TEKT1: variants seen among roughly 807,000 people sequenced by gnomAD.
TEKT1 encodes tektin 1.
Under a neutral mutation model 34.8 loss-of-function variants are expected in TEKT1, and 32 were observed. The observed-to-expected ratio is 0.92, with a 90% CI of 0.69 to 1.23. TEKT1 has a LOEUF of 1.23. Among genes scored for constraint, TEKT1 ranks in the 50% most tolerant of loss-of-function variants. TEKT1 has a pLI of 0.00. For synonymous variants in TEKT1, 207 were observed against 199.8 expected (o/e 1.04, Z -0.30); for missense variants, 492 against 518.5 (o/e 0.95, Z 0.50).
intron 6 of TEKT1, among the ~76,000 whole-genome samples, chr17:6,801,927 T>C (rs559420773): frequency 1.3e-5 from 2 of 152,324 alleles, no homozygotes; most frequent in South Asian, 4.1e-4. Context: ...TTGCTTCATC[T>C]ATACTCCTGT....
At chr17:6,815,383 A>G in intron 4 of TEKT1, 77 bp from the exon 5 acceptor site, 1 of 1,574,802 alleles carries the variant, frequency 6.3e-7, no homozygotes, top group Non-Finnish European at 8.7e-7. Context: ...AGGTCCTGGA[A>G]AGTGAAGCTG....
At chr17:6,828,526 A>T (rs1313629690) in intron 2 of TEKT1, among the ~76,000 whole-genome samples, 2 of 152,192 alleles carry the variant, frequency 1.3e-5, no homozygotes, top group Non-Finnish European at 2.9e-5. Context: ...TTCTTGAAAA[A>T]ATCGGACAAT....
intron 2 of TEKT1, among the ~76,000 whole-genome samples, chr17:6,829,407 T>G (rs1478122776): frequency 6.6e-6 from 1 of 152,202 alleles, no homozygotes. Context: ...AATGGTGTAG[T>G]GTTTTCATAT....
At position 6,815,270 on chromosome 17, in the gene TEKT1, A is replaced by T; in HGVS notation, c.522T>A (p.Asp174Glu). The part of the protein sequence containing the change: ...NRSAKYNLEK[D>E]LKDKFVALTI... ...TCAGGGCCACAAACTTGTCCTTCAAATCCTTCTCAAGATTGTACTTGGCAG... is the reference window on the plus strand; with the variant it reads ...TCAGGGCCACAAACTTGTCCTTCAATTCCTTCTCAAGATTGTACTTGGCAG... Residue 174 changes from aspartate (D) to glutamate (E), a missense_variant, in exon 5 of 8, where the codon GAT becomes GAA. Transcript: ENST00000338694. 6.2e-7 allele frequency: 1 copy of T among 1,614,218 alleles called. No individual in the cohort carries two copies. Among genetic ancestry groups the T allele is most frequent in the South Asian group, 1.1e-5 (1 of 91,088 alleles).
intron 6 of TEKT1, among the ~76,000 whole-genome samples, chr17:6,810,939 C>G (rs1239147593): frequency 6.6e-6 from 1 of 152,164 alleles, no homozygotes; most frequent in Non-Finnish European, 1.5e-5. Flanking sequence ...AGGGTTTCAC[C>G]CTGTTGCCCA....
chr17:6,820,157 T>C (rs1977066266), intron 2 of TEKT1, among the ~76,000 whole-genome samples: 1 of 152,300 alleles, frequency 6.6e-6, no homozygotes, highest in South Asian at 2.1e-4. Flanking sequence ...AATAAATAAG[T>C]AAACTTACTA....
At chr17:6,802,903 G>A (rs1284668932) in intron 6 of TEKT1, among the ~76,000 whole-genome samples, 1 of 152,100 alleles carries the variant, frequency 6.6e-6, no homozygotes, top group Admixed American at 6.6e-5. Flanking sequence ...ATTGTGAATA[G>A]TGCCACAATA....
At chr17:6,826,071 C>T (rs904384913) in intron 2 of TEKT1, among the ~76,000 whole-genome samples, 3 of 152,196 alleles carry the variant, frequency 2.0e-5, no homozygotes, top group African/African-American at 7.2e-5. Context: ...CAGAATATGA[C>T]AGTAACAGTT....
In TEKT1 at chr17:6,819,218, T is replaced by TGTGCAAGGGCTC; in HGVS notation, c.319_330dup (p.Glu107_His110dup). On this transcript the variant is annotated inframe_insertion, in exon 3 of 8. Transcript: ENST00000338694. ...CTGTATGCCAGGCATGTCTCAGTGA[T>TGTGCAAGGGCTC]GTGCAAGGGCTCTTTCAAGGTCTCC... 1 of 1,613,664 alleles carries TGTGCAAGGGCTC rather than the reference T, an allele frequency of 6.2e-7. No homozygotes were observed. The highest frequency in any genetic ancestry group is 8.5e-7 in the Non-Finnish European group (1 of 1,179,828).
At chr17:6,824,012 C>T (rs753043692) in intron 2 of TEKT1, among the ~76,000 whole-genome samples, 9 of 151,804 alleles carry the variant, frequency 5.9e-5, no homozygotes, top group Non-Finnish European at 1.0e-4. Context: ...TTAGTAGAGA[C>T]GAGGTCTCAC....
chr17:6,829,123 C>G (rs756980580), intron 2 of TEKT1, among the ~76,000 whole-genome samples: 1 of 152,106 alleles, frequency 6.6e-6, no homozygotes, highest in Non-Finnish European at 1.5e-5. Flanking sequence ...TGTACTCTGG[C>G]CTGTGTGATG....
intron 3 of TEKT1, among the ~76,000 whole-genome samples, chr17:6,818,635 A>G (rs952060925): frequency 6.6e-6 from 1 of 152,132 alleles, no homozygotes; most frequent in Non-Finnish European, 1.5e-5. Flanking sequence ...ATTTCCCAGC[A>G]TCTGTTGGTG....
chr17:6,817,620 T>A (rs1323326770), intron 3 of TEKT1, among the ~76,000 whole-genome samples: 1 of 151,592 alleles, frequency 6.6e-6, no homozygotes, highest in Non-Finnish European at 1.5e-5. Context: ...CAAGATGCCA[T>A]CCTCCTCCCA....
intron 2 of TEKT1, among the ~76,000 whole-genome samples, chr17:6,824,503 T>C (rs1904342796): frequency 6.6e-6 from 1 of 152,234 alleles, no homozygotes; most frequent in Admixed American, 6.5e-5. Flanking sequence ...TATTATTTTG[T>C]CCAAGCTATC....
intron 2 of TEKT1, among the ~76,000 whole-genome samples, chr17:6,827,198 C>T (rs1366224089): frequency 6.6e-6 from 1 of 151,834 alleles, no homozygotes; most frequent in Non-Finnish European, 1.5e-5. Context: ...TTTGTCACAG[C>T]TCTCAGTACC....
intron 2 of TEKT1, among the ~76,000 whole-genome samples, chr17:6,827,422 C>T (rs1053509699): frequency 5.9e-5 from 9 of 151,892 alleles, no homozygotes; most frequent in Non-Finnish European, 1.0e-4. Context: ...CCACCATGCC[C>T]AGCTAATTTT....
At chr17:6,819,126 C>A in intron 3 of TEKT1, 67 bp downstream of exon 3, 1 of 1,549,972 alleles carries the variant, frequency 6.5e-7, no homozygotes. Context: ...CGCACACAGC[C>A]GGCATTTACT....
chr17:6,815,096 G>C, intron 5 of TEKT1, 67 bp downstream of exon 5: 1 of 1,543,420 alleles, frequency 6.5e-7, no homozygotes, highest in Non-Finnish European at 8.7e-7. Flanking sequence ...AGGACGAGCC[G>C]CTAGGTCTTG....
intron 2 of TEKT1, among the ~76,000 whole-genome samples, chr17:6,826,563 A>G (rs748832963): frequency 7.9e-5 from 12 of 152,064 alleles, no homozygotes; most frequent in Non-Finnish European, 1.3e-4. Flanking sequence ...ATATTCTCCC[A>G]TAAGTGTCAT....
Sources: gnomAD v4.1 joint callset for allele counts (sites outside exome capture counted in the v4.1 genomes callset) on GRCh38, gnomAD v4.1.1 for gene constraint, MANE v1.5 for transcripts, NCBI Gene and HGNC (gene_info 2026-07-23, HGNC 2026-07-21) for gene names.